Variants in ROBO3 observed in about 807,000 individuals in gnomAD.
The protein encoded by ROBO3 is roundabout homolog 3.
Under a neutral mutation model 160.5 loss-of-function variants are expected in ROBO3, and 97 were observed. The ratio of observed to expected loss-of-function variants is 0.60; its 90% CI spans 0.51 to 0.72. ROBO3 has a LOEUF of 0.72. Ranked by LOEUF, ROBO3 falls within the 30% of genes least tolerant of loss-of-function variation. The pLI is 0.00. For synonymous variants in ROBO3, 780 were observed against 746.2 expected (o/e 1.05, Z -0.74); for missense variants, 1,858 against 1,846.5 (o/e 1.01, Z -0.11).
rs200381743 is a variant in ROBO3, at chr11:124,880,460, G to T, written c.4001G>T (p.Arg1334Leu). The T allele has an allele frequency of 3.7e-6, 6 of 1,611,432 alleles. No individual in the cohort carries two copies. Among genetic ancestry groups the T allele is most frequent in the Non-Finnish European group, 5.1e-6 (6 of 1,178,924 alleles). The change falls in exon 27 of 28, where the codon CGG becomes CTG. Residue 1334 changes from arginine (R) to leucine (L), a missense_variant. Coordinates refer to ENST00000397801, the MANE Select transcript of ROBO3 (RefSeq NM_022370.4). ...TACAGCAGACCAAGCTTCCTGTCCC[G>T]GGGCCAGGGCACCAGCACATGTTCC... ...LPYSRPSFLSRGQGTSTCSTA... is the reference protein window; with the variant it reads ...LPYSRPSFLSLGQGTSTCSTA...
rs764830563 is a variant in ROBO3 at position 124,876,566 on chromosome 11, G to C, written c.2779+106G>C. On this transcript the variant is annotated intron_variant, in intron 17 of 27. Coordinates refer to ENST00000397801, the MANE Select transcript of ROBO3 (RefSeq NM_022370.4). The surrounding 1 kb of genome is among the most constrained non-coding windows in gnomAD (Gnocchi z 5.3). The stretch of plus-strand genomic sequence containing the variant: ...CGAGTGAGGACCGGGTCGGGAGAAA[G>C]GGGTCGCACCTGGAGTTCAGCCTCT... 782 of 1,002,038 alleles carry C rather than the reference G, an allele frequency of 7.8e-4. 1 individual carries two copies. The highest frequency in any genetic ancestry group is 9.9e-4 in the Non-Finnish European group (743 of 749,656). The allele number at this position is 1,002,038 out of a possible 1,614,324, so 62.1% of individuals were successfully genotyped here.
chr11:124,874,495 A>G, intron 12 of ROBO3, among the ~76,000 whole-genome samples: 1 of 152,158 alleles, frequency 6.6e-6, no homozygotes, highest in East Asian at 1.9e-4. Context: ...CTGACTTCTG[A>G]GCCTTTTACC....
intron 1 of ROBO3, among the ~76,000 whole-genome samples, chr11:124,866,562 T>C (rs1393561123): frequency 1.3e-5 from 2 of 152,208 alleles, no homozygotes; most frequent in East Asian, 1.9e-4. Flanking sequence ...CACTCGAGTC[T>C]AGTGACGAGC....
In ROBO3 at chr11:124,878,126, A is replaced by G. The variant is rs1249528337; in HGVS notation, c.3176A>G (p.Asp1059Gly). ...GCTCCTCCAGAGTGGAGCCAGGGGG[A>G]CAGTGGTATGACTCCAACTCCTGAA... ...QYAPPEWSQG[D>G]SGAKGGKVKL... The change falls in exon 21 of 28, where the codon GAC (aspartate) becomes GGC (glycine). Residue 1059 changes from aspartate to glycine, a missense_variant. Transcript: ENST00000397801. The surrounding 1 kb of genome is among the most constrained non-coding windows in gnomAD (Gnocchi z 4.3). 1 of 1,603,660 alleles carries G rather than the reference A, an allele frequency of 6.2e-7. No homozygotes were observed. The highest frequency in any genetic ancestry group is 1.3e-5 in the African/African-American group (1 of 74,696).
chr11:124,873,163 C>A lies in ROBO3; in HGVS notation c.1536+74C>A. On this transcript the variant is annotated intron_variant, in intron 9 of 27. Transcript: ENST00000397801. This position sits in a 1 kb window ranked among gnomAD's most constrained non-coding sequence, Gnocchi z 4.5. ...CACGTTCCTTACACAAGTAAGTACT[C>A]ACTGGGCCTGTAGCCCCATCTTTAC... 6.7e-7 allele frequency: 1 copy of A among 1,488,186 alleles called. No individual in the cohort carries two copies. The highest frequency in any genetic ancestry group is 9.3e-7 in the Non-Finnish European group (1 of 1,079,378). The allele number at this position is 1,488,186 out of a possible 1,614,324, so 92.2% of individuals were successfully genotyped here.
rs1946286551 is a variant in ROBO3, at chr11:124,872,153, C to T, written c.1159-228C>T. On this transcript the variant is annotated intron_variant, in intron 7 of 27. Transcript: ENST00000397801. This position sits in a 1 kb window ranked among gnomAD's most constrained non-coding sequence, Gnocchi z 4.3. ...AAACAGCTTGTTCAGGGTTTCCCCA[C>T]TAGTAAGTCACGGAGCTGGGAAGTA... Among the ~76,000 whole-genome samples, 1 of 152,218 alleles carries T rather than the reference C, an allele frequency of 6.6e-6. No individual in the cohort carries two copies. Among genetic ancestry groups the T allele is most frequent in the South Asian group, 2.1e-4 (1 of 4,832 alleles).
chr11:124,868,992 G>A lies in ROBO3; in HGVS notation c.351G>A (p.Leu117=), dbSNP rs2135324656. The A allele has an allele frequency of 6.2e-7, 1 of 1,600,222 alleles. No homozygotes were observed. The change falls in exon 2 of 28, where the codon CTG becomes CTA. Residue 117 remains leucine, a synonymous_variant. Transcript: ENST00000397801. ...VREDPRAHRL[L]LPSGALFFPR... ...AGGATCCGCGTGCGCACCGCCTGCT[G>A]CTGCCCAGCGGCGCCCTCTTCTTCC...
Position 124,872,750 on chromosome 11 carries a change from T to C in ROBO3, c.1331-134T>C. On this transcript the variant is annotated intron_variant, in intron 8 of 27. Coordinates refer to ENST00000397801, the MANE Select transcript of ROBO3 (RefSeq NM_022370.4). The surrounding 1 kb of genome is among the most constrained non-coding windows in gnomAD (Gnocchi z 4.3). Reference sequence around the variant, plus strand: ...CCTGGGCAGAGACTTCAGATGATTATCAAAGCCCCCTCTGATCACCGGAAG... The same window carrying C: ...CCTGGGCAGAGACTTCAGATGATTACCAAAGCCCCCTCTGATCACCGGAAG... 3.1e-6 allele frequency: 3 copies of C among 952,998 alleles called. No individual in the cohort carries two copies. Among genetic ancestry groups the C allele is most frequent in the Admixed American group, 2.9e-5 (1 of 34,686 alleles). 59.0% of individuals were successfully genotyped at this position (952,998 alleles called of 1,614,324 possible). A position where few individuals can be genotyped will look rare whatever the true frequency, so the allele number is the denominator to read the frequency against.
intron 13 of ROBO3, 72 bp from the exon 14 acceptor site, chr11:124,875,039 G>C (rs1946333889): frequency 1.3e-6 from 2 of 1,510,938 alleles, no homozygotes; most frequent in Non-Finnish European, 1.8e-6. Context: ...GGAGGGGCTG[G>C]GCCTGGATGG....
Position 124,874,056 on chromosome 11 carries a change from CCTT to C in ROBO3, c.1785-10_1785-8del, listed in dbSNP as rs771413645. 19 of 1,613,628 alleles carry C rather than the reference CCTT, an allele frequency of 1.2e-5. No individual in the cohort carries two copies. Among genetic ancestry groups the C allele is most frequent in the East Asian group, 4.5e-5 (2 of 44,890 alleles). ...CCTGGCTTAGACAACCCTGTCATCT[CCTT>C]CTTGTTGTAGCCCAGCAGCTGGCAA... On this transcript the variant is annotated splice_polypyrimidine_tract_variant and intron_variant, in intron 11 of 27. Transcript: ENST00000397801.
chr11:124,870,726 A>G lies in ROBO3; in HGVS notation c.1031A>G (p.His344Arg), dbSNP rs769992299. 1.2e-6 allele frequency: 2 copies of G among 1,610,944 alleles called. No individual in the cohort carries two copies. Among genetic ancestry groups the G allele is most frequent in the East Asian group, 4.5e-5 (2 of 44,796 alleles). The change falls in exon 6 of 28, where the codon CAC (histidine) becomes CGC (arginine). Residue 344 changes from histidine to arginine, a missense_variant and splice_region_variant. Physicochemically the swap from His to Arg is conservative, Grantham distance 29. Coordinates refer to ENST00000397801, the MANE Select transcript of ROBO3 (RefSeq NM_022370.4). The stretch of plus-strand genomic sequence containing the variant: ...GAAGCATCTGGCTCCCTCAGTGTTC[A>G]CGGTGAGGGCTGTACTTGGGACTGC... ...RAEASGSLSVHVPPQLVTQPQ... is the reference protein window; with the variant it reads ...RAEASGSLSVRVPPQLVTQPQ...
At position 124,876,851 on chromosome 11, in the gene ROBO3, C is replaced by CG; in HGVS notation, c.2780-306dup. 3 of 565,216 alleles carry CG rather than the reference C, an allele frequency of 5.3e-6. No homozygotes were observed. The South Asian group carries it at 6.8e-5, about 13-fold the overall frequency. The allele number at this position is 565,216 out of a possible 1,614,324, so 35.0% of individuals were successfully genotyped here. A position where few individuals can be genotyped will look rare whatever the true frequency, so the allele number is the denominator to read the frequency against. ...GTGCGGCGGGGTCTGGATGGAAAGG[C>CG]GGGGCCCGCTGAAAGAAGGCGATCC... On this transcript the variant is annotated intron_variant, in intron 17 of 27. Coordinates refer to ENST00000397801, the MANE Select transcript of ROBO3 (RefSeq NM_022370.4). The surrounding 1 kb of genome is among the most constrained non-coding windows in gnomAD (Gnocchi z 5.3).
chr11:124,870,036 G>C lies in ROBO3; in HGVS notation c.734G>C (p.Arg245Pro). 6.2e-7 allele frequency: 1 copy of C among 1,614,012 alleles called. No individual in the cohort carries two copies. Among genetic ancestry groups the C allele is most frequent in the Non-Finnish European group, 8.5e-7 (1 of 1,179,898 alleles). The change falls in exon 4 of 28, where the codon CGG becomes CCG. Residue 245 changes from arginine (R) to proline (P), a missense_variant. Physicochemically the swap from Arg to Pro is moderately radical, Grantham distance 103 (BLOSUM62 -2). Coordinates refer to ENST00000397801, the MANE Select transcript of ROBO3 (RefSeq NM_022370.4). ...VCVASNMAGE[R>P]ESAAAEVMVL... ...GTAGCCTCCAACATGGCGGGAGAAC[G>C]GGAGAGTGCGGCAGCTGAAGTCATG...
At chr11:124,870,395 G>A (rs1381063170) in intron 5 of ROBO3, 92 bp downstream of exon 5, 8 of 1,507,644 alleles carry the variant, frequency 5.3e-6, no homozygotes, top group African/African-American at 2.8e-5. Flanking sequence ...ATTCTCACTT[G>A]AGAACACAGA....
intron 15 of ROBO3, 128 bp downstream of exon 15, chr11:124,875,813 G>C (rs1591515167): frequency 6.9e-6 from 10 of 1,442,970 alleles, no homozygotes; most frequent in South Asian, 6.2e-5. Context: ...TGAGTTTAGG[G>C]GAGAAGAGAG....
intron 1 of ROBO3, among the ~76,000 whole-genome samples, chr11:124,866,917 C>T (rs1946204652): frequency 6.6e-6 from 1 of 152,130 alleles, no homozygotes; most frequent in Admixed American, 6.5e-5. Context: ...AGCACAGATC[C>T]CTTCTCGCTG....
Position 124,869,621 on chromosome 11 carries a change from TA to T in ROBO3, c.645+15del. 6.4e-7 allele frequency: 1 copy of T among 1,553,076 alleles called. No homozygotes were observed. Among genetic ancestry groups the T allele is most frequent in the Non-Finnish European group, 8.7e-7 (1 of 1,147,226 alleles). On this transcript the variant is annotated intron_variant, in intron 3 of 27. Transcript: ENST00000397801. The surrounding 1 kb of genome is among the most constrained non-coding windows in gnomAD (Gnocchi z 4.2). ...GGAAGGATCACGGTGAGGGCGGGAT[TA>T]TGATTGGAGACCCCAACAAGGGAGG...
chr11:124,880,871 T>C (rs985781901), intron 27 of ROBO3, among the ~76,000 whole-genome samples: 2 of 151,998 alleles, frequency 1.3e-5, no homozygotes, highest in Admixed American at 6.6e-5. Context: ...CTGGGCAATA[T>C]GGTAAAATCC....
Position 124,870,234 on chromosome 11 carries a change from G to C in ROBO3, c.836G>C (p.Cys279Ser), listed in dbSNP as rs376982312. The change falls in exon 5 of 28, where the codon TGT becomes TCT. Residue 279 changes from cysteine (C) to serine (S), a missense_variant. Transcript: ENST00000397801. ...VLADAPVTFL[C>S]EVKGDPPPRL... The stretch of plus-strand genomic sequence containing the variant: ...GCTGATGCCCCTGTGACTTTCCTAT[G>C]TGAGGTGAAGGGGGATCCCCCACCT... The C allele has an allele frequency of 1.9e-6, 3 of 1,613,936 alleles. No individual in the cohort carries two copies. The African/African-American group carries it at 4.0e-5, about 22-fold the overall frequency.
Sources: allele counts gnomAD v4.1 joint callset (sites outside exome capture counted in the v4.1 genomes callset), GRCh38; gene constraint gnomAD v4.1.1; non-coding constraint Gnocchi (gnomAD v3.1); transcripts MANE v1.5; gene names NCBI Gene and HGNC (gene_info 2026-07-23, HGNC 2026-07-21).